The following TLK1 variants were observed in gnomAD, a reference collection of about 807,000 sequenced individuals.
TLK1 encodes the protein serine/threonine-protein kinase tousled-like 1.
A neutral mutation model predicts 105.3 loss-of-function variants in TLK1; 24 were observed. That is an observed-to-expected ratio of 0.23 (90% CI 0.17 to 0.32). The LOEUF (loss-of-function observed/expected upper bound fraction) is 0.32. Among genes scored for constraint, TLK1 ranks in the 10% least tolerant of loss-of-function variants. The pLI is 1.00. For synonymous variants in TLK1, 321 were observed against 310.4 expected (o/e 1.03, Z -0.36); for missense variants, 558 against 910.5 (o/e 0.61, Z 4.98).
chr2:171,039,995 C>T (rs1276508274), intron 11 of TLK1, among the ~76,000 whole-genome samples: 1 of 152,074 alleles, frequency 6.6e-6, no homozygotes, highest in African/African-American at 2.4e-5. Flanking sequence ...CATATGAACA[C>T]TCACTATGCA....
At chr2:171,069,693 T>C (rs1688165269) in intron 3 of TLK1, among the ~76,000 whole-genome samples, 1 of 152,216 alleles carries the variant, frequency 6.6e-6, no homozygotes, top group South Asian at 2.1e-4. Context: ...AACTGTACGG[T>C]GTGCTTTTTT....
intron 1 of TLK1, among the ~76,000 whole-genome samples, chr2:171,129,867 T>TAACATAACA (rs1691027215): frequency 6.6e-6 from 1 of 151,880 alleles, no homozygotes; most frequent in Admixed American, 6.6e-5. Context: ...TAACATAACA[T>TAACATAACA]AACATAACAT....
chr2:171,076,212 C>T (rs1688496211), intron 3 of TLK1, among the ~76,000 whole-genome samples: 1 of 150,828 alleles, frequency 6.6e-6, no homozygotes, highest in African/African-American at 2.4e-5. Context: ...AGCAAAACTC[C>T]ATCTCGGAGG....
At chr2:171,133,513 C>T (rs764001629) in intron 1 of TLK1, among the ~76,000 whole-genome samples, 3 of 152,098 alleles carry the variant, frequency 2.0e-5, no homozygotes, top group Admixed American at 6.5e-5. Context: ...GCACGAGAAC[C>T]ACCTGAATCC....
intron 14 of TLK1, 121 bp downstream of exon 14, chr2:171,011,252 C>T: frequency 1.3e-6 from 1 of 782,900 alleles, no homozygotes; most frequent in Non-Finnish European, 1.9e-6. Flanking sequence ...CTCCCATCTC[C>T]CAAAGCCCTG....
intron 1 of TLK1, among the ~76,000 whole-genome samples, chr2:171,120,222 C>G (rs1690596675): frequency 7.1e-6 from 1 of 141,460 alleles, no homozygotes; most frequent in Non-Finnish European, 1.5e-5. Context: ...GCACTCCAGC[C>G]TGGGCGACAG....
intron 18 of TLK1, among the ~76,000 whole-genome samples, chr2:170,998,126 G>C (rs1028843596): frequency 2.6e-5 from 4 of 150,958 alleles, no homozygotes; most frequent in Admixed American, 6.6e-5. Flanking sequence ...CCTACCTACC[G>C]AAACAAAAAC....
intron 1 of TLK1, among the ~76,000 whole-genome samples, chr2:171,218,948 A>C (rs1693761386): frequency 6.6e-6 from 1 of 152,158 alleles, no homozygotes; most frequent in African/African-American, 2.4e-5. Flanking sequence ...AAAAACCCAC[A>C]ATTTTTTAAA....
At chr2:171,130,121 C>T (rs988907801) in intron 1 of TLK1, among the ~76,000 whole-genome samples, 1 of 152,076 alleles carries the variant, frequency 6.6e-6, no homozygotes, top group Non-Finnish European at 1.5e-5. Context: ...TTGGTAATAA[C>T]GGCTGGGTAC....
At chr2:171,067,276 C>T (rs1276607229) in intron 3 of TLK1, among the ~76,000 whole-genome samples, 1 of 151,534 alleles carries the variant, frequency 6.6e-6, no homozygotes, top group Non-Finnish European at 1.5e-5. Context: ...TCTCCTGCCT[C>T]AGCCTCCCGA....
At chr2:171,150,031 C>T (rs1691970194) in intron 1 of TLK1, among the ~76,000 whole-genome samples, 1 of 152,114 alleles carries the variant, frequency 6.6e-6, no homozygotes, top group Admixed American at 6.5e-5. Flanking sequence ...ATTTGATAAA[C>T]TGCATTAGAT....
At chr2:171,194,505 T>G (rs1302165809) in intron 1 of TLK1, among the ~76,000 whole-genome samples, 1 of 152,168 alleles carries the variant, frequency 6.6e-6, no homozygotes, top group Non-Finnish European at 1.5e-5. Context: ...AAATAAAATT[T>G]GAATAAAAAT....
intron 4 of TLK1, chr2:171,059,818 A>C: frequency 1.4e-6 from 1 of 734,854 alleles, no homozygotes; most frequent in Non-Finnish European, 2.5e-6. Context: ...GATCCCTTGC[A>C]TGTGCAGTTC....
intron 3 of TLK1, among the ~76,000 whole-genome samples, chr2:171,067,377 G>T (rs1688049789): frequency 1.3e-5 from 2 of 151,760 alleles, no homozygotes; most frequent in African/African-American, 4.8e-5. Flanking sequence ...TGGCCAGGAT[G>T]GTCTCGATCT....
upstream of TLK1, among the ~76,000 whole-genome samples, chr2:171,165,484 A>G (rs1320226349): frequency 1.3e-5 from 2 of 152,222 alleles, no homozygotes; most frequent in Non-Finnish European, 2.9e-5. Flanking sequence ...CTATTTCTAT[A>G]CCATAGTAAA....
At chr2:171,040,309 C>G (rs2105412657) in intron 11 of TLK1, among the ~76,000 whole-genome samples, 1 of 152,210 alleles carries the variant, frequency 6.6e-6, no homozygotes, top group East Asian at 1.9e-4. Context: ...TGTACAACAT[C>G]AACAGTGAAC....
intron 11 of TLK1, among the ~76,000 whole-genome samples, chr2:171,042,665 A>T (rs1339268665): frequency 6.6e-6 from 1 of 152,104 alleles, no homozygotes; most frequent in Non-Finnish European, 1.5e-5. Flanking sequence ...ACAAGTATGC[A>T]CAAAATATCA....
chr2:171,111,068 A>G (rs554367220), intron 2 of TLK1, among the ~76,000 whole-genome samples: 12 of 152,184 alleles, frequency 7.9e-5, no homozygotes, highest in Non-Finnish European at 1.6e-4. Flanking sequence ...AAGGGAGAAG[A>G]AAAAAACAGT....
chr2:171,003,445 T>C (rs1684495318), intron 18 of TLK1, among the ~76,000 whole-genome samples: 1 of 152,190 alleles, frequency 6.6e-6, no homozygotes. Flanking sequence ...CTATGGTACA[T>C]ATCAAGCAAT....
Sources: allele counts gnomAD v4.1 joint callset (sites outside exome capture counted in the v4.1 genomes callset), GRCh38; gene constraint gnomAD v4.1.1; transcripts MANE v1.5; gene names NCBI Gene and HGNC (gene_info 2026-07-23, HGNC 2026-07-21).